Variants in METTL9 observed in about 807,000 individuals in gnomAD.
METTL9 encodes methyltransferase 9, His-X-His N1(pi)-histidine, also known as protein-L-histidine N-pros-methyltransferase.
Under a neutral mutation model 36.0 loss-of-function variants are expected in METTL9, and 10 were observed. That is an observed-to-expected ratio of 0.28 (90% CI 0.17 to 0.47). The LOEUF is 0.47. Among genes scored for constraint, METTL9 ranks in the 20% least tolerant of loss-of-function variants. METTL9 has a pLI of 0.99. For synonymous variants in METTL9, 175 were observed against 149.7 expected, an observed-to-expected ratio of 1.17 and a Z score of -1.23; for missense variants, 246 against 383.5, an observed-to-expected ratio of 0.64 and a Z score of 3.00.
chr16:21,640,174 A>G (rs945301354), intron 4 of METTL9: 4 of 151,966 alleles, frequency 2.6e-5, no homozygotes, highest in Non-Finnish European at 4.4e-5. Flanking sequence ...TCCTGATCTC[A>G]TGATTCACCT....
intron 4 of METTL9, among the ~76,000 whole-genome samples, chr16:21,634,800 A>G (rs1235977498): frequency 6.6e-6 from 1 of 152,168 alleles, no homozygotes; most frequent in Admixed American, 6.5e-5. Flanking sequence ...TAGCTGCTCA[A>G]GGAAGGCAGA....
chr16:21,620,755 A>G (rs1965673226), intron 3 of METTL9, among the ~76,000 whole-genome samples: 1 of 152,168 alleles, frequency 6.6e-6, no homozygotes, highest in Admixed American at 6.5e-5. Context: ...AAGTGAAAAC[A>G]TTTTCACAAA....
At chr16:21,613,595 C>A (rs924284344) in intron 2 of METTL9, among the ~76,000 whole-genome samples, 67 of 152,142 alleles carry the variant, frequency 4.4e-4, no homozygotes, top group African/African-American at 1.5e-3. Context: ...GCTTTACGCC[C>A]TTAGGCTGAA....
intron 4 of METTL9, chr16:21,652,559 G>A: frequency 6.2e-7 from 1 of 1,612,046 alleles, no homozygotes. Context: ...AGATTGGTTT[G>A]CAGATGGCGA....
chr16:21,607,512 T>G (rs1197106415), intron 1 of METTL9, among the ~76,000 whole-genome samples: 1 of 152,240 alleles, frequency 6.6e-6, no homozygotes, highest in African/African-American at 2.4e-5. Context: ...TTTGCAGTTG[T>G]GTTGCCAGTA....
chr16:21,636,447 GT>G (rs1336611894), intron 4 of METTL9, among the ~76,000 whole-genome samples: 1 of 152,192 alleles, frequency 6.6e-6, no homozygotes, highest in Non-Finnish European at 1.5e-5. Context: ...ATTTTGAGAA[GT>G]GGGACTAGCC....
At position 21,632,933 on chromosome 16, in the gene METTL9, A is replaced by G. The variant is rs187567793; in HGVS notation, c.751+7818A>G. 1.3e-5 allele frequency among the ~76,000 whole-genome samples: 2 copies of G among 152,270 alleles called. 1 individual carries two copies. Among genetic ancestry groups the G allele is most frequent in the Non-Finnish European group, 2.9e-5 (2 of 68,004 alleles). On this transcript the variant is annotated intron_variant, in intron 4 of 4. Transcript: ENST00000358154. ...GAAGTTTTGTTCTGTGGGAAGGCTT[A>G]AAGTCAGAGCTTATACTAGGGCCTG...
At chr16:21,642,487 T>G (rs1966297878) in intron 4 of METTL9, 1 of 152,230 alleles carries the variant, frequency 6.6e-6, no homozygotes, top group Non-Finnish European at 1.5e-5. Flanking sequence ...GGAAACAAAG[T>G]ATCTGTTCTA....
At chr16:21,612,957 C>T in intron 2 of METTL9, 122 bp downstream of exon 2, 1 of 867,082 alleles carries the variant, frequency 1.2e-6, no homozygotes, top group Non-Finnish European at 1.7e-6. Flanking sequence ...TTCTACTAGT[C>T]AGAACCTTGG....
chr16:21,624,563 C>T (rs1965777657), intron 3 of METTL9, among the ~76,000 whole-genome samples: 1 of 151,912 alleles, frequency 6.6e-6, no homozygotes, highest in Non-Finnish European at 1.5e-5. Flanking sequence ...CCCGTCTCTA[C>T]TAAAAACACA....
intron 4 of METTL9, chr16:21,627,280 A>T: frequency 1.0e-6 from 1 of 985,354 alleles, no homozygotes; most frequent in Non-Finnish European, 1.2e-6. Context: ...TGTGCTTTGC[A>T]TACTTGGCTT....
chr16:21,597,284 C>T, upstream of METTL9: 3 of 1,289,034 alleles, frequency 2.3e-6, no homozygotes, highest in Non-Finnish European at 3.0e-6. Flanking sequence ...AGCTGGGATA[C>T]CAAGTTCTAT....
At chr16:21,631,972 CTT>C (rs963466328) in intron 4 of METTL9, among the ~76,000 whole-genome samples, 1 of 152,196 alleles carries the variant, frequency 6.6e-6, no homozygotes, top group East Asian at 1.9e-4. Context: ...GTCTCTTTGA[CTT>C]TGTCTCTTTC....
intron 4 of METTL9, among the ~76,000 whole-genome samples, chr16:21,633,354 CA>C (rs1172654491): frequency 2.6e-5 from 4 of 152,246 alleles, no homozygotes; most frequent in African/African-American, 9.6e-5. Context: ...AACTGGTAGC[CA>C]AAAGTAAATC....
At chr16:21,642,972 T>C (rs1351693698) in intron 4 of METTL9, 8 of 730,164 alleles carry the variant, frequency 1.1e-5, no homozygotes, top group Non-Finnish European at 1.9e-5. Context: ...TTTCAGACTC[T>C]TCTGAAGGAA....
intron 4 of METTL9, among the ~76,000 whole-genome samples, chr16:21,645,626 C>T (rs1341745839): frequency 6.6e-6 from 1 of 152,204 alleles, no homozygotes; most frequent in Non-Finnish European, 1.5e-5. Flanking sequence ...GTTGCCATGT[C>T]TGCCTTAACA....
At chr16:21,611,780 T>C (rs1965431810) in intron 1 of METTL9, among the ~76,000 whole-genome samples, 1 of 152,188 alleles carries the variant, frequency 6.6e-6, no homozygotes, top group Admixed American at 6.5e-5. Context: ...GACTTGATTG[T>C]GGGGCTGACG....
intron 4 of METTL9, among the ~76,000 whole-genome samples, chr16:21,629,043 G>A (rs1407661860): frequency 1.3e-5 from 2 of 151,690 alleles, no homozygotes; most frequent in Non-Finnish European, 2.9e-5. Context: ...ATAGATGTGT[G>A]CCACCACACC....
At chr16:21,613,212 G>T (rs1183962845) in intron 2 of METTL9, among the ~76,000 whole-genome samples, 3 of 102,368 alleles carry the variant, frequency 2.9e-5, no homozygotes, top group South Asian at 3.0e-4. Flanking sequence ...TTTAAAGACA[G>T]TCCTGCTCTG....
Sources: allele counts gnomAD v4.1 joint callset (sites outside exome capture counted in the v4.1 genomes callset), GRCh38; gene constraint gnomAD v4.1.1; transcripts MANE v1.5; gene names NCBI Gene and HGNC (gene_info 2026-07-23, HGNC 2026-07-21).